MCM3AP: variants seen among roughly 807,000 people sequenced by gnomAD.
MCM3AP encodes germinal-center associated nuclear protein.
A neutral mutation model predicts 184.1 loss-of-function variants in MCM3AP; 126 were observed. The ratio of observed to expected loss-of-function variants is 0.68; its 90% confidence interval spans 0.59 to 0.79. The LOEUF (loss-of-function observed/expected upper bound fraction) is 0.79, where lower values mean the gene tolerates loss of function less well. Among genes scored for constraint, MCM3AP ranks in the 30% least tolerant of loss-of-function variants. The pLI is 0.00. For synonymous variants in MCM3AP, 1,002 were observed against 979.3 expected, an observed-to-expected ratio of 1.02 and a Z score of -0.43; for missense variants, 2,496 against 2,479.2, an observed-to-expected ratio of 1.01 and a Z score of -0.14.
At position 46,244,912 on chromosome 21, in the gene MCM3AP, G is replaced by T; in HGVS notation, c.4933C>A (p.Arg1645=). ...VTEFAEAGGS[R]LLPHLHWNAP... The stretch of plus-strand genomic sequence containing the variant: ...TTCCAGTGCAGGTGAGGAAGCAGCC[G>T]GCTGCCCCCTGCCTCAGCAAACTCA... The change falls in exon 23 of 28, where the codon CGG becomes AGG. Residue 1645 remains arginine, a synonymous_variant. Transcript: ENST00000291688. 6.2e-7 allele frequency: 1 copy of T among 1,614,170 alleles called. No homozygotes were observed. The highest frequency in any genetic ancestry group is 2.2e-5 in the East Asian group (1 of 44,872).
At chr21:46,286,259 A>AGAAAACGCCGCGGACC (rs1484253275), upstream of MCM3AP, 1 of 152,342 alleles carries the variant, frequency 6.6e-6, no homozygotes, top group African/African-American at 2.4e-5. Context: ...CACCGCGGGC[A>AGAAAACGCCGCGGACC]GAAAACGCCG....
intron 20 of MCM3AP, among the ~76,000 whole-genome samples, chr21:46,248,729 T>G (rs1481524286): frequency 2.0e-5 from 3 of 151,630 alleles, no homozygotes; most frequent in Admixed American, 2.0e-4. Context: ...TAAGATGCTA[T>G]GAAAAAGTCA....
rs1043656594 is a variant in MCM3AP at position 46,266,270 on chromosome 21, G to A, written c.2790-104C>T. The stretch of plus-strand genomic sequence containing the variant: ...TGCAAGCCCCTTGGGTGTCACCACA[G>A]CCATGTGTAAATAACAGAAAGCACA... On this transcript the variant is annotated intron_variant, in intron 10 of 27. Coordinates refer to ENST00000291688, the MANE Select transcript of MCM3AP (RefSeq NM_003906.5). 3.2e-6 allele frequency: 4 copies of A among 1,257,884 alleles called. No homozygotes were observed. The South Asian group carries it at 5.2e-5, about 16-fold the overall frequency. The allele number at this position is 1,257,884 out of a possible 1,614,324, so 77.9% of individuals were successfully genotyped here.
intron 4 of MCM3AP, 139 bp downstream of exon 4, chr21:46,279,854 T>A: frequency 1.3e-5 from 9 of 699,810 alleles, no homozygotes; most frequent in East Asian, 1.0e-4. Context: ...CCCCTGCCCC[T>A]CCACCCCCAA....
chr21:46,262,620 T>A (rs1348302306), intron 13 of MCM3AP, among the ~76,000 whole-genome samples: 2 of 150,358 alleles, frequency 1.3e-5, no homozygotes, highest in African/African-American at 2.5e-5. Context: ...TGCACTCGGG[T>A]CTAGGTGACA....
rs780811334 is a variant in MCM3AP, at chr21:46,277,735, C to T, written c.1668-18G>A. 6 of 1,498,070 alleles carry T rather than the reference C, an allele frequency of 4.0e-6. No homozygotes were observed. The highest frequency in any genetic ancestry group is 4.9e-5 in the East Asian group (2 of 41,058). The allele number at this position is 1,498,070 out of a possible 1,614,324, so 92.8% of individuals were successfully genotyped here. A position where few individuals can be genotyped will look rare whatever the true frequency, so the allele number is the denominator to read the frequency against. On this transcript the variant is annotated intron_variant, in intron 4 of 27. Coordinates refer to ENST00000291688, the MANE Select transcript of MCM3AP (RefSeq NM_003906.5). ...CTGGAGAGCTATAAAGTAAACACCACACTGAGGGCCCTCGTCCCAGGAAGG... is the reference window on the plus strand; with the variant it reads ...CTGGAGAGCTATAAAGTAAACACCATACTGAGGGCCCTCGTCCCAGGAAGG...
Position 46,236,878 on chromosome 21 carries a change from GA to G in MCM3AP, c.5734del (p.Ser1912LeufsTer7). 1.3e-6 allele frequency: 2 copies of G among 1,566,496 alleles called. No homozygotes were observed. Among genetic ancestry groups the G allele is most frequent in the Non-Finnish European group, 8.6e-7 (1 of 1,161,864 alleles). On this transcript the variant is annotated frameshift_variant, in exon 27 of 28. Coordinates refer to ENST00000291688, the MANE Select transcript of MCM3AP (RefSeq NM_003906.5). LOFTEE classifies it low-confidence loss of function (END_TRUNC). ...TTTCATCACAGGTTCAATAGTGTGA[GA>G]AAGAGACACTAGAGTCTGAGGAAGA... is the stretch of plus-strand genomic sequence containing the variant. The part of the protein sequence containing the change: ...LYLPQTLVSL[S>X]HTIEPVMKTS...
At chr21:46,235,454 G>C in intron 27 of MCM3AP, 28 bp from the exon 28 acceptor site, 1 of 1,606,194 alleles carries the variant, frequency 6.2e-7, no homozygotes, top group Non-Finnish European at 8.5e-7. Flanking sequence ...AAACTGAACA[G>C]TTTTGGGATG....
chr21:46,242,663 G>T, intron 25 of MCM3AP, 139 bp downstream of exon 25: 2 of 782,214 alleles, frequency 2.6e-6, no homozygotes, highest in South Asian at 2.0e-5. Context: ...TACTGCATGG[G>T]AATGATCTGT....
chr21:46,283,188 G>A (rs1187297908), intron 2 of MCM3AP, among the ~76,000 whole-genome samples: 2 of 152,140 alleles, frequency 1.3e-5, no homozygotes, highest in African/African-American at 4.8e-5. Flanking sequence ...GCCTCCCCAG[G>A]TGCTGGGACT....
At chr21:46,255,506 G>A (rs985182167) in intron 17 of MCM3AP, among the ~76,000 whole-genome samples, 3 of 152,138 alleles carry the variant, frequency 2.0e-5, no homozygotes, top group African/African-American at 7.2e-5. Context: ...CCAGTGAGGT[G>A]GAGAGAACTG....
At chr21:46,259,568 G>A (rs140709840) in intron 15 of MCM3AP, among the ~76,000 whole-genome samples, 4,172 of 151,878 alleles carry the variant, frequency 0.027, 104 homozygotes, top group South Asian at 0.074. Context: ...TCAGGAGTTC[G>A]AAACCAGCTT....
chr21:46,262,619 G>T (rs988564017), intron 13 of MCM3AP, among the ~76,000 whole-genome samples: 1 of 151,758 alleles, frequency 6.6e-6, no homozygotes, highest in Non-Finnish European at 1.5e-5. Context: ...CTGCACTCGG[G>T]TCTAGGTGAC....
rs2080580683 is a variant in MCM3AP at position 46,238,068 on chromosome 21, C to T, written c.5634-1089G>A. Among the ~76,000 whole-genome samples the T allele has an allele frequency of 3.0e-5, 3 of 99,070 alleles. 1 individual carries two copies. Among genetic ancestry groups the T allele is most frequent in the Non-Finnish European group, 6.0e-5 (3 of 49,636 alleles). 65.0% of individuals were successfully genotyped at this position (99,070 alleles called of 152,430 possible). Reference sequence around the variant, plus strand: ...TGAGCCAGATCACGCCATTGCACTCCAGCCAGGGCAACAAGAGCAAAACTC... The same window carrying T: ...TGAGCCAGATCACGCCATTGCACTCTAGCCAGGGCAACAAGAGCAAAACTC... On this transcript the variant is annotated intron_variant, in intron 26 of 27. Coordinates refer to ENST00000291688, the MANE Select transcript of MCM3AP (RefSeq NM_003906.5).
intron 11 of MCM3AP, 62 bp from the exon 12 acceptor site, chr21:46,265,585 A>C: frequency 7.3e-7 from 1 of 1,379,186 alleles, no homozygotes; most frequent in Non-Finnish European, 9.8e-7. Flanking sequence ...CACCACGGGG[A>C]CCGAGGTCTG....
At position 46,257,188 on chromosome 21, in the gene MCM3AP, T is replaced by C. The variant is rs7275223; in HGVS notation, c.3735-202A>G. On this transcript the variant is annotated intron_variant, in intron 16 of 27. Transcript: ENST00000291688. ...TATGGATACAGATTTAAGATACATA[T>C]ACCCAGCTGGGTGCAGTGGCTCACG... Among the ~76,000 whole-genome samples, 2,773 of 152,262 alleles carry C rather than the reference T, an allele frequency of 0.018. 88 individuals are homozygous for C. The highest frequency in any genetic ancestry group is 0.062 in the African/African-American group (2,591 of 41,554).
At chr21:46,277,067 G>GA (rs2081265759) in intron 5 of MCM3AP, among the ~76,000 whole-genome samples, 1 of 152,114 alleles carries the variant, frequency 6.6e-6, no homozygotes, top group Non-Finnish European at 1.5e-5. Flanking sequence ...AAATTTAAGA[G>GA]AAAAAAATTG....
At position 46,241,002 on chromosome 21, in the gene MCM3AP, A is replaced by C. The variant is rs778478495; in HGVS notation, c.5442T>G (p.Pro1814=). ...QLREGRLAIK[P]FHPSANNFPI... ...GAAAATTGTTTGCAGAAGGATGAAA[A>C]GGCTTTATTGCCAAACTGTAAGTAC... Residue 1814 remains proline (P), a synonymous_variant, in exon 26 of 28, where the codon CCT becomes CCG. Transcript: ENST00000291688. 1.2e-6 allele frequency: 2 copies of C among 1,613,170 alleles called. No individual in the cohort carries two copies. Among genetic ancestry groups the C allele is most frequent in the South Asian group, 2.2e-5 (2 of 91,062 alleles).
At chr21:46,242,700 C>A (rs774934805) in intron 25 of MCM3AP, 102 bp downstream of exon 25, 84 of 1,186,454 alleles carry the variant, frequency 7.1e-5, no homozygotes, top group Non-Finnish European at 9.7e-5. Context: ...ACAGTCTGCC[C>A]ACAGTGGACT....
Sources: gnomAD v4.1 joint callset for allele counts (sites outside exome capture counted in the v4.1 genomes callset) on GRCh38, gnomAD v4.1.1 for gene constraint, MANE v1.5 for transcripts, NCBI Gene and HGNC (gene_info 2026-07-23, HGNC 2026-07-21) for gene names.